The following SBF2 variants were observed in gnomAD, a reference collection of about 807,000 sequenced individuals.
The protein encoded by SBF2 is myotubularin-related protein 13.
In SBF2, 112 loss-of-function variants were observed where a neutral mutation model predicts 225.2. The observed-to-expected ratio is 0.50, with a 90% CI of 0.43 to 0.58. The LOEUF (loss-of-function observed/expected upper bound fraction) is 0.58, where lower values mean the gene tolerates loss of function less well. Among genes scored for constraint, SBF2 ranks in the 20% least tolerant of loss-of-function variants. The pLI, the probability that SBF2 is intolerant of heterozygous loss-of-function variation, is 0.00. For missense variants in SBF2, 1,996 were observed against 2,206.2 expected (o/e 0.90, Z 1.91); for synonymous variants, 763 against 773.3 (o/e 0.99, Z 0.22).
At chr11:10,169,949 T>C (rs1327440465) in intron 2 of SBF2, among the ~76,000 whole-genome samples, 2 of 152,104 alleles carry the variant, frequency 1.3e-5, no homozygotes, top group African/African-American at 4.8e-5. Context: ...GAGCACCTTT[T>C]CATATAACTG....
At chr11:9,877,561 G>A (rs781133049) in intron 17 of SBF2, among the ~76,000 whole-genome samples, 28 of 150,658 alleles carry the variant, frequency 1.9e-4, no homozygotes, top group Non-Finnish European at 3.4e-4. Flanking sequence ...CCAACCCCCC[G>A]ACAGGCCCCA....
At chr11:10,179,033 T>A (rs1187470448) in intron 2 of SBF2, among the ~76,000 whole-genome samples, 2 of 145,726 alleles carry the variant, frequency 1.4e-5, no homozygotes. Flanking sequence ...GATGAGTTCA[T>A]GTCCTTTGTA....
At chr11:10,051,287 TA>T (rs1950053399) in intron 2 of SBF2, among the ~76,000 whole-genome samples, 1 of 152,118 alleles carries the variant, frequency 6.6e-6, no homozygotes, top group South Asian at 2.1e-4. Flanking sequence ...TAGAAAATAA[TA>T]AACATATAAC....
At position 10,054,254 on chromosome 11, in the gene SBF2, T is replaced by C. The variant is rs561777306; in HGVS notation, c.142-11273A>G. 3.6e-4 allele frequency among the ~76,000 whole-genome samples: 55 copies of C among 152,358 alleles called. No homozygotes were observed. The South Asian group carries it at 0.011, about 31-fold the overall frequency. On this transcript the variant is annotated intron_variant, in intron 2 of 39. Transcript: ENST00000256190. Reference sequence around the variant, plus strand: ...CATTACGTGTAAGATAATATGATTGTCTGCCTAGAGAATACATACAAACTG... The same window carrying C: ...CATTACGTGTAAGATAATATGATTGCCTGCCTAGAGAATACATACAAACTG...
rs145280168 is a variant in SBF2 at position 9,982,639 on chromosome 11, G to A, written c.1395+6858C>T. On this transcript the variant is annotated intron_variant, in intron 13 of 39. Transcript: ENST00000256190. Reference sequence around the variant, plus strand: ...AGAGAAGCATGTGGAGGCTTGCATTGTGAGTTTCAGCTCTAGATCAACTGC... The same window carrying A: ...AGAGAAGCATGTGGAGGCTTGCATTATGAGTTTCAGCTCTAGATCAACTGC... 3.8e-3 allele frequency among the ~76,000 whole-genome samples: 581 copies of A among 152,330 alleles called. 4 individuals carry two copies. The highest frequency in any genetic ancestry group is 5.0e-3 in the South Asian group (24 of 4,824).
At chr11:10,283,099 C>T (rs1285696037) in intron 1 of SBF2, among the ~76,000 whole-genome samples, 1 of 152,130 alleles carries the variant, frequency 6.6e-6, no homozygotes, top group Non-Finnish European at 1.5e-5. Flanking sequence ...CTTTTTCCCT[C>T]AGTAAAATGG....
chr11:9,944,413 A>G (rs1193128523), intron 16 of SBF2, among the ~76,000 whole-genome samples: 1 of 152,244 alleles, frequency 6.6e-6, no homozygotes, highest in East Asian at 1.9e-4. Context: ...CACAGGTCAT[A>G]CAATGACTAC....
At chr11:10,015,081 C>G (rs973120934) in intron 6 of SBF2, among the ~76,000 whole-genome samples, 5 of 152,234 alleles carry the variant, frequency 3.3e-5, no homozygotes, top group African/African-American at 1.2e-4. Flanking sequence ...CTACAGTGAG[C>G]TGAGTTTGCA....
chr11:9,937,297 T>A (rs757402196), intron 16 of SBF2, among the ~76,000 whole-genome samples: 1 of 151,502 alleles, frequency 6.6e-6, no homozygotes, highest in Non-Finnish European at 1.5e-5. Context: ...AGATAAAGTT[T>A]TGTGGGAAGC....
intron 16 of SBF2, among the ~76,000 whole-genome samples, chr11:9,950,627 T>C (rs989715689): frequency 1.2e-4 from 19 of 152,230 alleles, no homozygotes; most frequent in Admixed American, 1.2e-3. Context: ...CAGCTGTATG[T>C]AAACTTTAAG....
At position 9,812,603 on chromosome 11, in the gene SBF2, G is replaced by A. The variant is rs752877786; in HGVS notation, c.4084C>T (p.Pro1362Ser). The A allele has an allele frequency of 1.4e-5, 23 of 1,614,002 alleles. No individual in the cohort carries two copies. The highest frequency in any genetic ancestry group is 2.7e-5 in the African/African-American group (2 of 74,908). ...SFKKLMRACI[P>S]STIPTDSEVT... is the part of the protein sequence containing the mutation. ...TCTGAGTCAGTAGGGATGGTGCTTG[G>A]GATACAAGCCCTCATCAGCTTCTTA... Residue 1362 changes from proline (P) to serine (S), a missense_variant, in exon 30 of 40, where the codon CCA becomes TCA. Pro to Ser is a moderately conservative substitution (Grantham distance 74). Transcript: ENST00000256190.
At chr11:10,106,601 C>G (rs1307417136) in intron 2 of SBF2, among the ~76,000 whole-genome samples, 1 of 146,606 alleles carries the variant, frequency 6.8e-6, no homozygotes, top group Non-Finnish European at 1.5e-5. Context: ...TGCACTCCAG[C>G]CTGGGTGACA....
chr11:9,928,887 T>C (rs76767237), intron 16 of SBF2: 84 of 364,406 alleles, frequency 2.3e-4, no homozygotes, highest in African/African-American at 1.7e-3. Flanking sequence ...TTTCATGTTT[T>C]AGACTATGAA....
At position 10,092,397 on chromosome 11, in the gene SBF2, C is replaced by T. The variant is rs933652841; in HGVS notation, c.142-49416G>A. Among the ~76,000 whole-genome samples, 7 of 151,728 alleles carry T rather than the reference C, an allele frequency of 4.6e-5. 1 individual carries two copies. The highest frequency in any genetic ancestry group is 2.0e-4 in the Admixed American group (3 of 15,250). On this transcript the variant is annotated intron_variant, in intron 2 of 39. Coordinates refer to ENST00000256190, the MANE Select transcript of SBF2 (RefSeq NM_030962.4). Reference sequence around the variant, plus strand: ...AAGAAGGACTCTGTAAATATAAGGCCGAAGTTGTAATTTTTGCAGCTTATG... The same window carrying T: ...AAGAAGGACTCTGTAAATATAAGGCTGAAGTTGTAATTTTTGCAGCTTATG...
chr11:10,072,278 C>T (rs1019285546), intron 2 of SBF2, among the ~76,000 whole-genome samples: 1 of 152,116 alleles, frequency 6.6e-6, no homozygotes, highest in Non-Finnish European at 1.5e-5. Flanking sequence ...ACTTCACAAA[C>T]GGTTTCTAAG....
At chr11:10,301,479 G>C (rs4641466) in intron 1 of SBF2, among the ~76,000 whole-genome samples, 41,593 of 151,874 alleles carry the variant, frequency 0.27, 6,460 homozygotes, top group Non-Finnish European at 0.36. Flanking sequence ...CTTGAACTTT[G>C]TTTTCAAGTG....
chr11:10,281,533 C>T (rs184392220), intron 1 of SBF2, among the ~76,000 whole-genome samples: 57 of 152,266 alleles, frequency 3.7e-4, no homozygotes, highest in African/African-American at 1.4e-3. Flanking sequence ...GGAGAAGAAT[C>T]GCCATGGAGG....
chr11:10,087,380 C>G (rs1016420202), intron 2 of SBF2, among the ~76,000 whole-genome samples: 1 of 152,092 alleles, frequency 6.6e-6, no homozygotes, highest in African/African-American at 2.4e-5. Flanking sequence ...ACAGCTTAAA[C>G]AGATAACCAT....
chr11:9,920,433 G>A (rs1373079978), intron 16 of SBF2, among the ~76,000 whole-genome samples: 3 of 152,012 alleles, frequency 2.0e-5, no homozygotes, highest in African/African-American at 7.3e-5. Context: ...GATATTCTAG[G>A]CACCAGTGCA....
Sources: gnomAD v4.1 joint callset for allele counts (sites outside exome capture counted in the v4.1 genomes callset) on GRCh38, gnomAD v4.1.1 for gene constraint, MANE v1.5 for transcripts, NCBI Gene and HGNC (gene_info 2026-07-23, HGNC 2026-07-21) for gene names.